The following DOCK2 variants were observed in gnomAD, a reference collection of about 807,000 sequenced individuals.
The protein encoded by DOCK2 is dedicator of cytokinesis protein 2.
DOCK2 carries 87 observed loss-of-function variants against 248.9 expected under a neutral mutation model. That is an observed-to-expected ratio of 0.35 (90% confidence interval 0.29 to 0.42). The LOEUF is 0.42. Among genes scored for constraint, DOCK2 ranks in the 10% least tolerant of loss-of-function variants. The probability of loss-of-function intolerance (pLI) is 1.00; values close to 1 mark genes in which losing one functional copy is unlikely to be tolerated. For synonymous variants in DOCK2, 805 were observed against 821.6 expected (o/e 0.98, Z 0.35); for missense variants, 1,747 against 2,300.2 (o/e 0.76, Z 4.92).
At position 170,045,876 on chromosome 5, in the gene DOCK2, T is replaced by C; in HGVS notation, c.3937T>C (p.Phe1313Leu). 6.2e-7 allele frequency: 1 copy of C among 1,614,144 alleles called. No individual in the cohort carries two copies. ...ELAEQYEMEIFDYELLSQNLI... is the reference protein window; with the variant it reads ...ELAEQYEMEILDYELLSQNLI... ...GGCGGAACAGTACGAGATGGAGATCTTTGACTATGAGCTGCTCAGCCAGAA... is the reference window on the plus strand; with the variant it reads ...GGCGGAACAGTACGAGATGGAGATCCTTGACTATGAGCTGCTCAGCCAGAA... Residue 1313 changes from phenylalanine to leucine, a missense_variant, in exon 39 of 52, where the codon TTT becomes CTT. By Grantham distance (22) the Phe-to-Leu change is conservative. This residue lies in a region of DOCK2 where 858 missense variants were observed against 1,183.5 expected (regional missense o/e 0.72). Coordinates refer to ENST00000520908, the MANE Select transcript of DOCK2 (RefSeq NM_004946.3).
At chr5:169,999,908 G>C (rs144912840) in intron 30 of DOCK2, 1 of 152,190 alleles carries the variant, frequency 6.6e-6, no homozygotes, top group Non-Finnish European at 1.5e-5. Context: ...TCCCAGAACT[G>C]TGGTTTTGTG....
intron 25 of DOCK2, among the ~76,000 whole-genome samples, chr5:169,801,708 C>G (rs571447659): frequency 6.6e-6 from 1 of 152,194 alleles, no homozygotes; most frequent in East Asian, 1.9e-4. Context: ...GGGTGCTGTG[C>G]CAGAAGGAGT....
At chr5:169,658,742 C>G (rs962989741) in intron 2 of DOCK2, among the ~76,000 whole-genome samples, 1 of 148,474 alleles carries the variant, frequency 6.7e-6, no homozygotes, top group African/African-American at 2.5e-5. Context: ...TTTAAACAAA[C>G]AAAAAAAAAT....
At chr5:169,762,860 G>A (rs1764567771) in intron 25 of DOCK2, among the ~76,000 whole-genome samples, 2 of 152,180 alleles carry the variant, frequency 1.3e-5, no homozygotes, top group South Asian at 4.1e-4. Flanking sequence ...TATTCAGGGA[G>A]TGAAGCCTGA....
chr5:170,027,696 C>T (rs527834421), intron 33 of DOCK2, among the ~76,000 whole-genome samples, 167 bp from the exon 34 acceptor site: 3 of 152,264 alleles, frequency 2.0e-5, no homozygotes, highest in African/African-American at 7.2e-5. Context: ...CTGGGCACTC[C>T]AAAAAGGCAG....
At chr5:169,802,532 G>T (rs1767066136) in intron 25 of DOCK2, among the ~76,000 whole-genome samples, 1 of 152,074 alleles carries the variant, frequency 6.6e-6, no homozygotes, top group Non-Finnish European at 1.5e-5. Flanking sequence ...TAACTAAGTT[G>T]GTCCCTAAAT....
chr5:169,696,624 G>A lies in DOCK2; in HGVS notation c.979+686G>A, dbSNP rs192182636. Among the ~76,000 whole-genome samples, 20 of 152,272 alleles carry A rather than the reference G, an allele frequency of 1.3e-4. No individual in the cohort carries two copies. The East Asian group carries it at 3.9e-3, about 29-fold the overall frequency. On this transcript the variant is annotated intron_variant, in intron 10 of 51. Coordinates refer to ENST00000520908, the MANE Select transcript of DOCK2 (RefSeq NM_004946.3). ...TCCTGTGAAAATGGCAATTTGATAT[G>A]CCAGTTTTCTTTTTATTAAAATATA...
At chr5:170,023,321 C>T (rs1336553776) in intron 33 of DOCK2, among the ~76,000 whole-genome samples, 1 of 152,160 alleles carries the variant, frequency 6.6e-6, no homozygotes, top group Admixed American at 6.5e-5. Context: ...CGGAGATAGC[C>T]ATGTTAGCAG....
At chr5:169,693,228 A>C (rs1353043891) in intron 9 of DOCK2, among the ~76,000 whole-genome samples, 3 of 152,206 alleles carry the variant, frequency 2.0e-5, no homozygotes, top group African/African-American at 7.2e-5. Flanking sequence ...GAGGAGGAAG[A>C]GGCAAGCATT....
At chr5:169,963,140 A>C (rs935656585) in intron 27 of DOCK2, among the ~76,000 whole-genome samples, 3 of 152,182 alleles carry the variant, frequency 2.0e-5, no homozygotes, top group Admixed American at 2.0e-4. Flanking sequence ...CTCTGTGTTC[A>C]TAAGGTGCTG....
At chr5:169,922,373 G>T (rs1395024730) in intron 27 of DOCK2, among the ~76,000 whole-genome samples, 3 of 152,192 alleles carry the variant, frequency 2.0e-5, no homozygotes, top group African/African-American at 7.2e-5. Context: ...TAAAAATAAT[G>T]TAATGTAAAT....
chr5:169,808,932 G>A (rs1767572316), intron 26 of DOCK2, among the ~76,000 whole-genome samples: 1 of 151,920 alleles, frequency 6.6e-6, no homozygotes, highest in Admixed American at 6.6e-5. Flanking sequence ...TGAGTCTATT[G>A]GCTAAACCTG....
chr5:170,019,972 A>C (rs945256456), intron 33 of DOCK2, among the ~76,000 whole-genome samples: 8 of 152,124 alleles, frequency 5.3e-5, no homozygotes, highest in Admixed American at 1.3e-4. Flanking sequence ...ATCCTGCCTT[A>C]AAATGGGTAC....
intron 27 of DOCK2, among the ~76,000 whole-genome samples, chr5:169,874,344 C>T (rs1772177638): frequency 7.3e-6 from 1 of 137,458 alleles, no homozygotes; most frequent in Non-Finnish European, 1.5e-5. Context: ...ACCTGGGAGG[C>T]AGAGGTTGCA....
chr5:170,066,314 T>C (rs1173077965), intron 44 of DOCK2, among the ~76,000 whole-genome samples: 1 of 151,420 alleles, frequency 6.6e-6, no homozygotes, highest in Non-Finnish European at 1.5e-5. Context: ...AAAGACAAGG[T>C]CATTATATAG....
At chr5:169,765,103 C>T (rs544084434) in intron 25 of DOCK2, among the ~76,000 whole-genome samples, 2 of 148,044 alleles carry the variant, frequency 1.4e-5, no homozygotes, top group Admixed American at 1.3e-4. Context: ...CACACACACA[C>T]CCCACACACA....
At chr5:170,075,125 A>G (rs1025670959) in intron 46 of DOCK2, among the ~76,000 whole-genome samples, 2 of 152,188 alleles carry the variant, frequency 1.3e-5, no homozygotes, top group African/African-American at 4.8e-5. Flanking sequence ...TTATGTCACC[A>G]TCATGAAAGC....
intron 32 of DOCK2, among the ~76,000 whole-genome samples, chr5:170,016,247 T>A (rs1190179682): frequency 6.6e-6 from 1 of 152,234 alleles, no homozygotes; most frequent in Non-Finnish European, 1.5e-5. Context: ...TTCAATTACA[T>A]GAAAAAGACC....
Position 170,005,069 on chromosome 5 carries a change from A to G in DOCK2, c.3073-3428A>G, listed in dbSNP as rs984095130. 8.8e-4 allele frequency among the ~76,000 whole-genome samples: 40 copies of G among 45,694 alleles called. No individual in the cohort carries two copies. In the African/African-American group the frequency reaches 9.7e-3, roughly 11 times the overall value. 30.0% of individuals were successfully genotyped at this position (45,694 alleles called of 152,430 possible). A position where few individuals can be genotyped will look rare whatever the true frequency, so the allele number is the denominator to read the frequency against. On this transcript the variant is annotated intron_variant, in intron 30 of 51. Transcript: ENST00000520908. ...GTACCCTAAAACTTAAAGTATAATA[A>G]AAAAAAAAAAAAATGAAGTACTGAT...
Sources: allele counts gnomAD v4.1 joint callset (sites outside exome capture counted in the v4.1 genomes callset), GRCh38; gene constraint gnomAD v4.1.1; regional missense constraint gnomAD v4.1.1; transcripts MANE v1.5; gene names NCBI Gene and HGNC (gene_info 2026-07-23, HGNC 2026-07-21).